Variants in PDE4D observed in about 807,000 individuals in gnomAD.
PDE4D encodes 3',5'-cyclic-AMP phosphodiesterase 4D.
In PDE4D, 24 loss-of-function variants were observed where a neutral mutation model predicts 87.4. The ratio of observed to expected loss-of-function variants is 0.27; its 90% CI spans 0.20 to 0.39. PDE4D has a LOEUF of 0.39. PDE4D is among the 10% of genes least tolerant of loss of function. PDE4D has a pLI of 1.00. For missense variants in PDE4D, 714 were observed against 1,041.0 expected (o/e 0.69, Z 4.32); for synonymous variants, 384 against 383.2 (o/e 1.00, Z -0.02).
chr5:59,399,025 C>T (rs1251066014), intron 1 of PDE4D, among the ~76,000 whole-genome samples: 1 of 121,096 alleles, frequency 8.3e-6, no homozygotes, highest in African/African-American at 3.3e-5. Context: ...AACTTACAAG[C>T]GACATGAAGG....
intron 3 of PDE4D, among the ~76,000 whole-genome samples, chr5:59,918,588 T>G (rs556320731): frequency 6.6e-6 from 1 of 152,252 alleles, no homozygotes; most frequent in East Asian, 1.9e-4. Flanking sequence ...ACTCTCTTCC[T>G]CTCTTGCTGG....
intron 2 of PDE4D, among the ~76,000 whole-genome samples, chr5:60,123,414 G>C (rs1345432125): frequency 6.6e-6 from 1 of 152,248 alleles, no homozygotes; most frequent in African/African-American, 2.4e-5. Context: ...GGAGGCAAAA[G>C]GTACTTCTTA....
At chr5:59,430,523 C>T in intron 1 of PDE4D, 1 of 898,558 alleles carries the variant, frequency 1.1e-6, no homozygotes, top group Non-Finnish European at 1.5e-6. Context: ...ACATATGCTG[C>T]TCACTGGTTG....
chr5:59,900,218 C>G (rs1226557274), intron 3 of PDE4D, among the ~76,000 whole-genome samples: 1 of 141,688 alleles, frequency 7.1e-6, no homozygotes, highest in Non-Finnish European at 1.5e-5. Flanking sequence ...CTAACCCAGG[C>G]AATAGAGCAA....
At chr5:59,127,606 C>T (rs1426791820) in intron 5 of PDE4D, among the ~76,000 whole-genome samples, 3 of 90,382 alleles carry the variant, frequency 3.3e-5, no homozygotes, top group East Asian at 3.7e-4. Flanking sequence ...TCCCTCCCCA[C>T]CCCCCCACCC....
At chr5:59,689,451 C>T (rs1290365610) in intron 1 of PDE4D, among the ~76,000 whole-genome samples, 7 of 152,270 alleles carry the variant, frequency 4.6e-5, no homozygotes, top group South Asian at 2.1e-4. Context: ...AGCATATAAA[C>T]AGAACCAAAG....
chr5:60,411,649 C>CA (rs1242252423), intron 1 of PDE4D, among the ~76,000 whole-genome samples: 5 of 152,116 alleles, frequency 3.3e-5, no homozygotes, highest in African/African-American at 9.7e-5. Context: ...CAATTCAAAC[C>CA]ATTTAGCTCT....
At chr5:60,244,023 T>G (rs1189126798) in intron 1 of PDE4D, among the ~76,000 whole-genome samples, 1 of 151,984 alleles carries the variant, frequency 6.6e-6, no homozygotes, top group African/African-American at 2.4e-5. Context: ...TACCCTTGTT[T>G]GCAGATGATA....
intron 1 of PDE4D, among the ~76,000 whole-genome samples, chr5:59,737,091 T>C (rs1474210693): frequency 2.6e-5 from 4 of 152,016 alleles, no homozygotes; most frequent in African/African-American, 9.7e-5. Context: ...AATACTGTTA[T>C]ACTCTTTGAA....
intron 1 of PDE4D, among the ~76,000 whole-genome samples, chr5:60,284,107 T>C (rs1752196354): frequency 6.6e-6 from 1 of 152,140 alleles, no homozygotes; most frequent in African/African-American, 2.4e-5. Context: ...TCTGTTAAAA[T>C]TGTCATGCAA....
chr5:60,088,217 A>T (rs1774737819), intron 2 of PDE4D, among the ~76,000 whole-genome samples: 1 of 152,002 alleles, frequency 6.6e-6, no homozygotes, highest in African/African-American at 2.4e-5. Flanking sequence ...AGCTGAGGAA[A>T]TTTACAACAC....
chr5:60,105,331 G>A lies in PDE4D; in HGVS notation c.42+80226C>T, dbSNP rs570300922. ...TAGAGAAAAAAGAATAAAAAGAAACGAACAAAGCCTCCAAGAAATATGGGA... is the reference window on the plus strand; with the variant it reads ...TAGAGAAAAAAGAATAAAAAGAAACAAACAAAGCCTCCAAGAAATATGGGA... On this transcript the variant is annotated intron_variant, in intron 2 of 16. Coordinates refer to the PDE4D transcript ENST00000502484. Among the ~76,000 whole-genome samples, 8 of 152,192 alleles carry A rather than the reference G, an allele frequency of 5.3e-5. No individual in the cohort carries two copies. The East Asian group carries it at 7.7e-4, about 15-fold the overall frequency.
intron 1 of PDE4D, among the ~76,000 whole-genome samples, chr5:59,810,452 G>C (rs1022537614): frequency 6.6e-6 from 1 of 152,152 alleles, no homozygotes; most frequent in African/African-American, 2.4e-5. Flanking sequence ...GTGCTGCACC[G>C]ATATTTTAAA....
intron 1 of PDE4D, among the ~76,000 whole-genome samples, chr5:59,282,777 A>T (rs1233916168): frequency 1.3e-5 from 2 of 151,944 alleles, no homozygotes; most frequent in Admixed American, 1.3e-4. Context: ...TAGAAAGTAA[A>T]CTCTCATCAG....
intron 2 of PDE4D, among the ~76,000 whole-genome samples, chr5:60,041,677 A>G (rs1322950190): frequency 6.6e-6 from 1 of 152,066 alleles, no homozygotes; most frequent in Non-Finnish European, 1.5e-5. Flanking sequence ...TTGGGCATCA[A>G]CTCACCTGGG....
intron 3 of PDE4D, among the ~76,000 whole-genome samples, chr5:59,960,044 AACAG>A (rs1265448955): frequency 1.3e-5 from 2 of 152,184 alleles, no homozygotes; most frequent in Non-Finnish European, 2.9e-5. Context: ...AAAGGTCATG[AACAG>A]ACACTTTTCA....
At chr5:59,725,081 C>A (rs375526252) in intron 1 of PDE4D, among the ~76,000 whole-genome samples, 2 of 151,986 alleles carry the variant, frequency 1.3e-5, no homozygotes, top group East Asian at 3.9e-4. Context: ...CTCCAAGATT[C>A]TTTCCTCTTC....
At chr5:59,798,284 G>T (rs971148695) in intron 1 of PDE4D, among the ~76,000 whole-genome samples, 1 of 148,198 alleles carries the variant, frequency 6.7e-6, no homozygotes, top group African/African-American at 2.5e-5. Flanking sequence ...GTGTGTGTGT[G>T]TGTGTGTGTG....
At chr5:59,446,706 G>A (rs926962886) in intron 1 of PDE4D, among the ~76,000 whole-genome samples, 3 of 152,158 alleles carry the variant, frequency 2.0e-5, no homozygotes, top group African/African-American at 4.8e-5. Context: ...TTACTAGTAC[G>A]GAGCTCCCCA....
Sources: allele counts gnomAD v4.1 joint callset (sites outside exome capture counted in the v4.1 genomes callset), GRCh38; gene constraint gnomAD v4.1.1; transcripts MANE v1.5; gene names NCBI Gene and HGNC (gene_info 2026-07-23, HGNC 2026-07-21).